Variants in PARD3B observed in about 807,000 individuals in gnomAD.
PARD3B encodes the protein partitioning defective 3 homolog B.
PARD3B carries 103 observed loss-of-function variants against 130.2 expected under a neutral mutation model. The ratio of observed to expected loss-of-function variants is 0.79; its 90% confidence interval spans 0.67 to 0.93. The LOEUF is 0.93. PARD3B is among the 40% of genes least tolerant of loss of function. PARD3B has a pLI of 0.00. For synonymous variants in PARD3B, 583 were observed against 553.2 expected, an observed-to-expected ratio of 1.05 and a Z score of -0.76; for missense variants, 1,609 against 1,499.2, an observed-to-expected ratio of 1.07 and a Z score of -1.21.
At chr2:205,553,968 A>G (rs992201439) in intron 22 of PARD3B, among the ~76,000 whole-genome samples, 1 of 152,190 alleles carries the variant, frequency 6.6e-6, no homozygotes, top group African/African-American at 2.4e-5. Context: ...GACATGATCC[A>G]CTCATACTGT....
intron 10 of PARD3B, among the ~76,000 whole-genome samples, chr2:205,135,268 C>A (rs2032382889): frequency 6.6e-6 from 1 of 152,114 alleles, no homozygotes; most frequent in African/African-American, 2.4e-5. Flanking sequence ...TAGGGGACAA[C>A]CTTGATTTGC....
intron 1 of PARD3B, among the ~76,000 whole-genome samples, chr2:204,565,562 A>T (rs980306000): frequency 6.6e-6 from 1 of 152,208 alleles, no homozygotes; most frequent in Non-Finnish European, 1.5e-5. Flanking sequence ...TATCAATTTC[A>T]TCAGAAACAT....
At chr2:204,773,522 A>T (rs1049405121) in intron 2 of PARD3B, among the ~76,000 whole-genome samples, 22 of 152,212 alleles carry the variant, frequency 1.4e-4, no homozygotes, top group African/African-American at 5.3e-4. Context: ...ATCTTTTACA[A>T]AACTCAACGT....
intron 2 of PARD3B, among the ~76,000 whole-genome samples, chr2:204,915,008 T>C (rs571638242): frequency 1.3e-5 from 2 of 152,240 alleles, no homozygotes; most frequent in Admixed American, 1.3e-4. Flanking sequence ...GCACCCCACT[T>C]TCCTCACCTA....
At chr2:204,960,156 G>A (rs1690619094) in intron 2 of PARD3B, among the ~76,000 whole-genome samples, 1 of 152,184 alleles carries the variant, frequency 6.6e-6, no homozygotes, top group African/African-American at 2.4e-5. Flanking sequence ...CACTTGCTGT[G>A]AAGTTTTATT....
At chr2:204,732,168 A>C (rs1277110388) in intron 2 of PARD3B, among the ~76,000 whole-genome samples, 1 of 151,922 alleles carries the variant, frequency 6.6e-6, no homozygotes, top group Non-Finnish European at 1.5e-5. Flanking sequence ...ATCTTATTAG[A>C]TATAAAGCAT....
intron 22 of PARD3B, among the ~76,000 whole-genome samples, chr2:205,577,001 A>G (rs2053784038): frequency 6.6e-6 from 1 of 152,130 alleles, no homozygotes; most frequent in Non-Finnish European, 1.5e-5. Flanking sequence ...CTTAGATGTT[A>G]TAAATATTTT....
chr2:205,475,265 A>G (rs960161894), intron 20 of PARD3B, among the ~76,000 whole-genome samples: 2 of 152,136 alleles, frequency 1.3e-5, no homozygotes, highest in East Asian at 1.9e-4. Flanking sequence ...GGACATTGCT[A>G]TGACAACCCA....
rs1387610883 is a variant in PARD3B, at chr2:204,967,377, T to G, written c.394+2054T>G. ...TTAGACTATTGCAGAGGCCTCAGAC[T>G]GACCTCTTTCTTTACACTGTGTGCT... On this transcript the variant is annotated intron_variant, in intron 3 of 22. Transcript: ENST00000406610. This position sits in a 1 kb window ranked among gnomAD's most constrained non-coding sequence, Gnocchi z 4.4. Among the ~76,000 whole-genome samples, 1 of 152,224 alleles carries G rather than the reference T, an allele frequency of 6.6e-6. No individual in the cohort carries two copies. Among genetic ancestry groups the G allele is most frequent in the Non-Finnish European group, 1.5e-5 (1 of 68,042 alleles).
chr2:204,987,203 G>A (rs1414048625), intron 3 of PARD3B, among the ~76,000 whole-genome samples: 1 of 152,148 alleles, frequency 6.6e-6, no homozygotes, highest in African/African-American at 2.4e-5. Context: ...AGAAAAAAAT[G>A]AAAGCACTTA....
At chr2:204,745,797 T>C (rs1435911017) in intron 2 of PARD3B, among the ~76,000 whole-genome samples, 5 of 152,032 alleles carry the variant, frequency 3.3e-5, no homozygotes, top group Admixed American at 1.3e-4. Flanking sequence ...GGAGATGGAA[T>C]TGATATTCAG....
At chr2:205,345,461 T>C (rs537641247) in intron 18 of PARD3B, among the ~76,000 whole-genome samples, 56 of 152,268 alleles carry the variant, frequency 3.7e-4, no homozygotes, top group Non-Finnish European at 6.0e-4. Context: ...ATTTATGTCC[T>C]GCTTAAGGAG....
At position 205,158,899 on chromosome 2, in the gene PARD3B, G is replaced by A. The variant is rs1182352712; in HGVS notation, c.1612G>A (p.Ala538Thr). Residue 538 changes from alanine (A) to threonine (T), a missense_variant, in exon 11 of 23, where the codon GCT becomes ACT. Transcript: ENST00000406610. This position sits in a 1 kb window ranked among gnomAD's most constrained non-coding sequence, Gnocchi z 5.4. ...CAAATCCATCATTCATGGAGGCGCT[G>A]CTTTTAAGGTGGGTAGGAATGACAT... ...FIKSIIHGGA[A>T]FKDGRLRMND... The A allele has an allele frequency of 1.2e-6, 2 of 1,613,720 alleles. No homozygotes were observed. The highest frequency in any genetic ancestry group is 1.7e-6 in the Non-Finnish European group (2 of 1,179,966).
intron 10 of PARD3B, among the ~76,000 whole-genome samples, chr2:205,141,647 A>G (rs956890594): frequency 2.6e-5 from 4 of 152,242 alleles, no homozygotes; most frequent in African/African-American, 9.6e-5. Flanking sequence ...ATGTGTATCA[A>G]AGTGCAAACA....
At chr2:205,505,707 C>A (rs908852899) in intron 21 of PARD3B, among the ~76,000 whole-genome samples, 1 of 152,166 alleles carries the variant, frequency 6.6e-6, no homozygotes, top group Non-Finnish European at 1.5e-5. Flanking sequence ...TGACAACGGG[C>A]TGCTTTTTTC....
intron 1 of PARD3B, among the ~76,000 whole-genome samples, chr2:204,641,049 G>C (rs1259507451): frequency 6.8e-6 from 1 of 146,670 alleles, no homozygotes; most frequent in African/African-American, 2.5e-5. Flanking sequence ...TGTTATAATA[G>C]TATATTATAT....
chr2:205,535,291 G>GC (rs1448959211), intron 21 of PARD3B, among the ~76,000 whole-genome samples: 4 of 152,140 alleles, frequency 2.6e-5, no homozygotes, highest in Non-Finnish European at 4.4e-5. Context: ...CTTAGAGTTG[G>GC]CCCCAGTCAA....
chr2:205,185,783 C>G lies in PARD3B; in HGVS notation c.1944C>G (p.Asp648Glu), dbSNP rs754281343. The G allele has an allele frequency of 6.2e-6, 10 of 1,613,712 alleles. No individual in the cohort carries two copies. The African/African-American group carries it at 1.2e-4, about 19-fold the overall frequency. The change falls in exon 14 of 23, where the codon GAC becomes GAG. Residue 648 changes from aspartate (D) to glutamate (E), a missense_variant. Physicochemically the swap from Asp to Glu is conservative, Grantham distance 45. Coordinates refer to ENST00000406610, the MANE Select transcript of PARD3B (RefSeq NM_001302769.2). ...DKQKGLLLPN[D>E]GWAESEVPPS... The stretch of plus-strand genomic sequence containing the variant: ...TTATAGGTCTATTGCTGCCCAATGA[C>G]GGATGGGCCGAGAGTGAAGTTCCAC...
intron 15 of PARD3B, among the ~76,000 whole-genome samples, chr2:205,234,089 T>C (rs1247635611): frequency 3.3e-5 from 5 of 152,118 alleles, no homozygotes; most frequent in Non-Finnish European, 4.4e-5. Context: ...ATGTTCAAGA[T>C]CAACCATAAC....
Sources: allele counts gnomAD v4.1 joint callset (sites outside exome capture counted in the v4.1 genomes callset), GRCh38; gene constraint gnomAD v4.1.1; non-coding constraint Gnocchi (gnomAD v3.1); transcripts MANE v1.5; gene names NCBI Gene and HGNC (gene_info 2026-07-23, HGNC 2026-07-21).